SMOC2: variants seen among roughly 807,000 people sequenced by gnomAD.
SMOC2 encodes SPARC related modular calcium binding 2.
SMOC2 carries 39 observed loss-of-function variants against 61.4 expected under a neutral mutation model. The ratio of observed to expected loss-of-function variants is 0.64; its 90% CI spans 0.49 to 0.83. SMOC2 has a LOEUF of 0.83. Ranked by LOEUF, SMOC2 falls within the 40% of genes least tolerant of loss-of-function variation. SMOC2 has a pLI of 0.00. For missense variants in SMOC2, 556 were observed against 592.9 expected (o/e 0.94, Z 0.65); for synonymous variants, 247 against 239.9 (o/e 1.03, Z -0.27).
At chr6:168,624,922 C>G (rs9346734) in intron 9 of SMOC2, among the ~76,000 whole-genome samples, 136,458 of 151,304 alleles carry the variant, frequency 0.9, 61,625 homozygotes, top group Middle Eastern at 0.99. Flanking sequence ...CAGACACACA[C>G]ATCCCCACAC....
chr6:168,653,353 G>A, intron 11 of SMOC2, 125 bp downstream of exon 11: 3 of 1,134,536 alleles, frequency 2.6e-6, no homozygotes, highest in South Asian at 3.2e-5. Flanking sequence ...CAAATATGCT[G>A]TTTAATTGTT....
At chr6:168,502,521 A>G (rs1269028525) in intron 1 of SMOC2, among the ~76,000 whole-genome samples, 1 of 152,114 alleles carries the variant, frequency 6.6e-6, no homozygotes, top group Non-Finnish European at 1.5e-5. Flanking sequence ...ATCTCATTCA[A>G]TTGTTTGCTC....
At chr6:168,518,197 C>T (rs972168483) in intron 2 of SMOC2, among the ~76,000 whole-genome samples, 51 of 152,222 alleles carry the variant, frequency 3.4e-4, no homozygotes, top group Non-Finnish European at 4.7e-4. Context: ...GCCGGAGTGT[C>T]GCCTGGCTCC....
At chr6:168,609,753 A>G (rs1417199422) in intron 9 of SMOC2, among the ~76,000 whole-genome samples, 2 of 152,188 alleles carry the variant, frequency 1.3e-5, no homozygotes, top group Non-Finnish European at 2.9e-5. Context: ...TGACCTTGTC[A>G]CGTGCACTTC....
chr6:168,581,480 C>T (rs561119209), intron 7 of SMOC2, among the ~76,000 whole-genome samples: 40 of 152,250 alleles, frequency 2.6e-4, no homozygotes, highest in Non-Finnish European at 5.4e-4. Context: ...TCAGAAGCCC[C>T]GGACGGGTCT....
rs137949063 is a variant in SMOC2, at chr6:168,608,184, G to A, written c.852G>A (p.Thr284=). The A allele has an allele frequency of 8.2e-5, 133 of 1,613,520 alleles. 1 individual carries two copies. The highest frequency in any genetic ancestry group is 7.1e-4 in the South Asian group (65 of 90,978). The change falls in exon 9 of 13, where the codon ACG becomes ACA. Residue 284 remains threonine, a synonymous_variant. Transcript: ENST00000356284. ...TRYEQPKCDN[T]ARAHPAKARD... ...ACGAGCAGCCGAAATGTGACAACAC[G>A]GCCAGGGCCCACCCAGCCAAAGCCC...
intron 9 of SMOC2, among the ~76,000 whole-genome samples, chr6:168,622,481 G>A (rs116775894): frequency 0.019 from 2,910 of 150,222 alleles, 102 homozygotes; most frequent in African/African-American, 0.068. Context: ...CTTTGTTCTC[G>A]CCATGGCATG....
At chr6:168,547,017 G>T in intron 5 of SMOC2, 102 bp from the exon 6 acceptor site, 1 of 1,396,330 alleles carries the variant, frequency 7.2e-7, no homozygotes, top group Non-Finnish European at 1.0e-6. Context: ...GTTGATCTGT[G>T]GGGACTGAGT....
At chr6:168,647,347 A>G (rs1787061968) in intron 9 of SMOC2, among the ~76,000 whole-genome samples, 1 of 152,320 alleles carries the variant, frequency 6.6e-6, no homozygotes, top group African/African-American at 2.4e-5. Context: ...CCACCAGAGC[A>G]CCAGGCTCCT....
intron 9 of SMOC2, among the ~76,000 whole-genome samples, chr6:168,641,979 G>A (rs1305193910): frequency 6.6e-6 from 1 of 152,176 alleles, no homozygotes; most frequent in Non-Finnish European, 1.5e-5. Context: ...GAAAAGTAGA[G>A]TTAATGCACA....
intron 9 of SMOC2, 143 bp downstream of exon 9, chr6:168,608,382 G>A: frequency 1.1e-6 from 1 of 922,574 alleles, no homozygotes; most frequent in South Asian, 1.7e-5. Context: ...CTTGCAGAGG[G>A]CCCTGAGTCC....
intron 1 of SMOC2, among the ~76,000 whole-genome samples, chr6:168,493,537 T>C (rs1159011554): frequency 6.6e-6 from 1 of 152,214 alleles, no homozygotes; most frequent in Non-Finnish European, 1.5e-5. Context: ...GAAGGAAAAC[T>C]GTTACTGTTC....
intron 1 of SMOC2, among the ~76,000 whole-genome samples, chr6:168,507,543 C>G (rs1431246783): frequency 1.3e-5 from 2 of 152,218 alleles, no homozygotes; most frequent in Non-Finnish European, 2.9e-5. Flanking sequence ...GAGGACCTTC[C>G]CATGGCACAG....
chr6:168,603,769 G>A (rs1785618390), intron 8 of SMOC2, among the ~76,000 whole-genome samples: 1 of 151,800 alleles, frequency 6.6e-6, no homozygotes, highest in Admixed American at 6.6e-5. Flanking sequence ...CAGCTTGAAG[G>A]AAATGGCAGG....
chr6:168,498,617 A>T (rs969192912), intron 1 of SMOC2, among the ~76,000 whole-genome samples: 1 of 152,236 alleles, frequency 6.6e-6, no homozygotes, highest in African/African-American at 2.4e-5. Context: ...CTGAGTGGTG[A>T]GAGAGCCGCA....
intron 3 of SMOC2, 28 bp downstream of exon 3, chr6:168,526,480 C>G (rs1489272325): frequency 6.3e-7 from 1 of 1,585,580 alleles, no homozygotes; most frequent in African/African-American, 1.3e-5. Context: ...GGAGGTTCTG[C>G]ACCTGTGCGA....
At chr6:168,607,751 C>A (rs527283444) in intron 8 of SMOC2, among the ~76,000 whole-genome samples, 1 of 76,646 alleles carries the variant, frequency 1.3e-5, no homozygotes, top group Non-Finnish European at 2.7e-5. Flanking sequence ...GCACACACTC[C>A]TGCTCTGACG....
intron 2 of SMOC2, among the ~76,000 whole-genome samples, chr6:168,523,079 A>ATTCTTATTTTTTTTTTTTT (rs551183247): frequency 1.1e-5 from 1 of 93,664 alleles, no homozygotes; most frequent in Non-Finnish European, 2.2e-5. Flanking sequence ...TTGTACAGTA[A>ATTCTTATTTTTTTTTTTTT]TTTTTTTTTT....
In SMOC2 at chr6:168,475,960, C is replaced by T. The variant is rs1401565913; in HGVS notation, c.85-33955C>T. Among the ~76,000 whole-genome samples, 5 of 151,962 alleles carry T rather than the reference C, an allele frequency of 3.3e-5. No individual in the cohort carries two copies. Among genetic ancestry groups the T allele is most frequent in the Non-Finnish European group, 5.9e-5 (4 of 67,976 alleles). ...CGTGGAAGGGCTGAGGTTTGCTAAC[C>T]GTAGTCCACTTGGGACCTTCCCACA... On this transcript the variant is annotated intron_variant, in intron 1 of 12. Coordinates refer to ENST00000356284, the MANE Select transcript of SMOC2 (RefSeq NM_001166412.2). The surrounding 1 kb of genome is among the most constrained non-coding windows in gnomAD (Gnocchi z 4.6).
Sources: allele counts gnomAD v4.1 joint callset (sites outside exome capture counted in the v4.1 genomes callset), GRCh38; gene constraint gnomAD v4.1.1; non-coding constraint Gnocchi (gnomAD v3.1); transcripts MANE v1.5; gene names NCBI Gene and HGNC (gene_info 2026-07-23, HGNC 2026-07-21).